The following ZNF569 variants were observed in gnomAD, a reference collection of about 807,000 sequenced individuals.
ZNF569 encodes DNA-binding protein.
In ZNF569, 38 loss-of-function variants were observed where a neutral mutation model predicts 56.3. The ratio of observed to expected loss-of-function variants is 0.68; its 90% CI spans 0.52 to 0.88. ZNF569 has a LOEUF of 0.88. Among genes scored for constraint, ZNF569 ranks in the 40% least tolerant of loss-of-function variants. ZNF569 has a pLI of 0.00. For missense variants in ZNF569, 666 were observed against 809.2 expected (o/e 0.82, Z 2.15); for synonymous variants, 241 against 262.9 (o/e 0.92, Z 0.81).
chr19:37,461,453 T>G lies in ZNF569; in HGVS notation c.-44+3860A>C, dbSNP rs530378911. 2.6e-5 allele frequency among the ~76,000 whole-genome samples: 4 copies of G among 152,030 alleles called. 1 individual carries two copies. The highest frequency in any genetic ancestry group is 9.6e-5 in the African/African-American group (4 of 41,486). ...TCCAGAGTAGCTGGGACTACAGGTG[T>G]GCGCCATCATGCCCAGCGAATTTTT... On this transcript the variant is annotated intron_variant, in intron 2 of 5. Transcript: ENST00000316950.
chr19:37,446,213 T>C (rs1229576032), intron 2 of ZNF569, among the ~76,000 whole-genome samples: 1 of 152,108 alleles, frequency 6.6e-6, no homozygotes, highest in Non-Finnish European at 1.5e-5. Flanking sequence ...GGAAACCCTA[T>C]TTAACAAATG....
At chr19:37,446,437 C>A (rs2041495874) in intron 2 of ZNF569, among the ~76,000 whole-genome samples, 1 of 151,374 alleles carries the variant, frequency 6.6e-6, no homozygotes, top group Non-Finnish European at 1.5e-5. Context: ...GTAATCCCAG[C>A]TACTTGGGAG....
In ZNF569 at chr19:37,426,290, T is replaced by C. The variant is rs2041131198; in HGVS notation, c.104A>G (p.Asn35Ser). ...GTTGTTATAGTTTTCTAGCATCACATTCCGGTACAGTTTTCTCTGAGCAGG... is the reference window on the plus strand; with the variant it reads ...GTTGTTATAGTTTTCTAGCATCACACTCCGGTACAGTTTTCTCTGAGCAGG... ...LDPAQRKLYR[N>S]VMLENYNNLI... The change falls in exon 4 of 6, where the codon AAT becomes AGT. Residue 35 changes from asparagine (N) to serine (S), a missense_variant. By Grantham distance (46) the Asn-to-Ser change is conservative. Transcript: ENST00000316950. The C allele has an allele frequency of 6.2e-7, 1 of 1,613,652 alleles. No homozygotes were observed. Among genetic ancestry groups the C allele is most frequent in the Non-Finnish European group, 8.5e-7 (1 of 1,179,878 alleles).
chr19:37,439,174 G>A (rs955288769), intron 3 of ZNF569, among the ~76,000 whole-genome samples: 6 of 152,154 alleles, frequency 3.9e-5, no homozygotes, highest in African/African-American at 7.2e-5. Flanking sequence ...GGGTTCAAGC[G>A]ATTCTCCTGC....
intron 3 of ZNF569, among the ~76,000 whole-genome samples, chr19:37,443,330 G>A (rs1488887202): frequency 2.0e-5 from 3 of 152,108 alleles, no homozygotes; most frequent in African/African-American, 7.2e-5. Context: ...TGGGCAAAAA[G>A]TGAGACTCCA....
Position 37,413,368 on chromosome 19 carries a change from T to C in ZNF569, c.1290A>G (p.Lys430=). The C allele has an allele frequency of 1.2e-6, 2 of 1,609,102 alleles. No individual in the cohort carries two copies. The highest frequency in any genetic ancestry group is 1.7e-6 in the Non-Finnish European group (2 of 1,178,582). ...CATAAGGTTTCTCTCTAGTATGAATTTTCTGGTGTGTAATGAAGTTTTTCT... is the reference window on the plus strand; with the variant it reads ...CATAAGGTTTCTCTCTAGTATGAATCTTCTGGTGTGTAATGAAGTTTTTCT... ...SHKKNFITHQ[K]IHTREKPYEC... The change falls in exon 6 of 6, where the codon AAA becomes AAG. Residue 430 remains lysine, a synonymous_variant. Coordinates refer to ENST00000316950, the MANE Select transcript of ZNF569 (RefSeq NM_152484.3).
chr19:37,432,904 CTTTTTTT>C (rs869051048), intron 3 of ZNF569, among the ~76,000 whole-genome samples: 1 of 122,538 alleles, frequency 8.2e-6, no homozygotes, highest in Admixed American at 8.9e-5. Flanking sequence ...ATGCATCAGT[CTTTTTTT>C]TTTTTTTTTT....
At chr19:37,441,980 C>G (rs2146933511) in intron 3 of ZNF569, among the ~76,000 whole-genome samples, 1 of 152,268 alleles carries the variant, frequency 6.6e-6, no homozygotes, top group Non-Finnish European at 1.5e-5. Context: ...AAATAATTGT[C>G]AAGAGAACAA....
intron 5 of ZNF569, among the ~76,000 whole-genome samples, chr19:37,425,255 G>A (rs954074068): frequency 1.3e-5 from 2 of 151,634 alleles, no homozygotes; most frequent in African/African-American, 2.4e-5. Flanking sequence ...AGGCTCAAGT[G>A]ATCCTCCCAC....
In ZNF569 at chr19:37,462,507, C is replaced by T. The variant is rs77928075; in HGVS notation, c.-44+2806G>A. On this transcript the variant is annotated intron_variant, in intron 2 of 5. Coordinates refer to ENST00000316950, the MANE Select transcript of ZNF569 (RefSeq NM_152484.3). The stretch of plus-strand genomic sequence containing the variant: ...GTTCTCTCTTTGGCCTAAAATTCCA[C>T]GGACACTGCTTTCAGGGTCCCTAAT... 7.1e-3 allele frequency among the ~76,000 whole-genome samples: 1,084 copies of T among 152,126 alleles called. 15 individuals are homozygous for T. The highest frequency in any genetic ancestry group is 0.024 in the African/African-American group (1,005 of 41,486).
At chr19:37,460,082 C>T (rs1182569157) in intron 2 of ZNF569, among the ~76,000 whole-genome samples, 1 of 151,966 alleles carries the variant, frequency 6.6e-6, no homozygotes, top group African/African-American at 2.4e-5. Context: ...TATTTGCATA[C>T]GAAGCAAATG....
At chr19:37,468,071 GTTTTTT>G, upstream of ZNF569, 1 of 585,988 alleles carries the variant, frequency 1.7e-6, no homozygotes, top group Non-Finnish European at 2.9e-6. Context: ...TGCCTTTCGT[GTTTTTT>G]TTTTTTTGTT....
intron 2 of ZNF569, 142 bp from the exon 3 acceptor site, chr19:37,445,106 G>T: frequency 1.6e-6 from 1 of 639,370 alleles, no homozygotes; most frequent in East Asian, 3.0e-5. Flanking sequence ...TACCACAAAG[G>T]TTCTTAATAG....
intron 2 of ZNF569, among the ~76,000 whole-genome samples, chr19:37,445,385 G>A (rs1014750579): frequency 2.0e-5 from 3 of 152,212 alleles, no homozygotes; most frequent in Non-Finnish European, 2.9e-5. Flanking sequence ...GTTTTTATGT[G>A]TGAGTAATGT....
rs768729613 is a variant in ZNF569, at chr19:37,413,050, G to A, written c.1608C>T (p.Ser536=). The A allele has an allele frequency of 1.2e-6, 2 of 1,613,818 alleles. No individual in the cohort carries two copies. The highest frequency in any genetic ancestry group is 1.1e-5 in the South Asian group (1 of 91,056). Reference sequence around the variant, plus strand: ...TATGACTTCTCAAATGAAGGGTAAGGGATGCAATTTGAGAGAAGGCTTTAC... The same window carrying A: ...TATGACTTCTCAAATGAAGGGTAAGAGATGCAATTTGAGAGAAGGCTTTAC... The part of the protein sequence containing the change: ...ECGKAFSQIA[S]LTLHLRSHTG... Residue 536 remains serine (S), a synonymous_variant, in exon 6 of 6, where the codon TCC becomes TCT. Coordinates refer to ENST00000316950, the MANE Select transcript of ZNF569 (RefSeq NM_152484.3).
intron 5 of ZNF569, among the ~76,000 whole-genome samples, chr19:37,417,272 T>A (rs2146862073): frequency 6.6e-6 from 1 of 152,234 alleles, no homozygotes; most frequent in South Asian, 2.1e-4. Flanking sequence ...ATTTTTTTTA[T>A]TTTTTAGAGA....
intron 5 of ZNF569, among the ~76,000 whole-genome samples, chr19:37,417,217 C>A (rs541587224): frequency 1.0e-3 from 158 of 152,252 alleles, no homozygotes; most frequent in African/African-American, 3.6e-3. Flanking sequence ...GCCCCACTGA[C>A]ACCTTGATTT....
chr19:37,416,143 G>A (rs569303761), intron 5 of ZNF569, among the ~76,000 whole-genome samples: 20 of 151,936 alleles, frequency 1.3e-4, no homozygotes, highest in Non-Finnish European at 2.1e-4. Flanking sequence ...TGAGATGGGA[G>A]GATCACCTAA....
chr19:37,454,866 A>G (rs1421634968), intron 2 of ZNF569: 1 of 702,542 alleles, frequency 1.4e-6, no homozygotes, highest in Non-Finnish European at 2.6e-6. Context: ...AGTCCATCCC[A>G]GGTAAGTAAA....
Sources: allele counts gnomAD v4.1 joint callset (sites outside exome capture counted in the v4.1 genomes callset), GRCh38; gene constraint gnomAD v4.1.1; transcripts MANE v1.5; gene names NCBI Gene and HGNC (gene_info 2026-07-23, HGNC 2026-07-21).